Variants in CCDC3 observed in about 807,000 individuals in gnomAD.
The protein encoded by CCDC3 is coiled-coil domain containing 3, also known as coiled-coil domain-containing protein 3.
CCDC3 carries 24 observed loss-of-function variants against 21.4 expected under a neutral mutation model. The observed-to-expected ratio is 1.12, with a 90% confidence interval of 0.81 to 1.58. The LOEUF is 1.58. CCDC3 is among the 40% of genes most tolerant of loss of function. CCDC3 has a pLI of 0.00. For synonymous variants in CCDC3, 186 were observed against 166.0 expected, an observed-to-expected ratio of 1.12 and a Z score of -0.93; for missense variants, 425 against 360.9, an observed-to-expected ratio of 1.18 and a Z score of -1.44.
intron 2 of CCDC3, among the ~76,000 whole-genome samples, chr10:12,983,564 C>A (rs12247185): frequency 0.015 from 2,264 of 149,160 alleles, 62 homozygotes; most frequent in African/African-American, 0.053. Context: ...TGAGTGAAAC[C>A]CTCTCTCAAG....
chr10:12,964,376 G>GAAA (rs34399404), intron 2 of CCDC3, among the ~76,000 whole-genome samples: 1 of 146,980 alleles, frequency 6.8e-6, no homozygotes, highest in African/African-American at 2.5e-5. Flanking sequence ...CCATCTTAAA[G>GAAA]AAAAAAAAAA....
At chr10:13,010,255 C>CA (rs554297781) in intron 5 of CCDC3, among the ~76,000 whole-genome samples, 1 of 151,118 alleles carries the variant, frequency 6.6e-6, no homozygotes, top group African/African-American at 2.4e-5. Context: ...TTCAAAAAAA[C>CA]AAAAAAACAA....
At chr10:12,904,464 G>C (rs915362682) in intron 2 of CCDC3, among the ~76,000 whole-genome samples, 1 of 5,322 alleles carries the variant, frequency 1.9e-4, no homozygotes, top group African/African-American at 2.8e-4. Context: ...GCAAAAGCCA[G>C]TCTTAAAAAA....
At position 13,001,595 on chromosome 10, in the gene CCDC3, G is replaced by A. The variant is rs560053627; in HGVS notation, c.-25C>T. On this transcript the variant is annotated 5_prime_UTR_variant, in exon 1 of 3. Transcript: ENST00000378825. ...TGCCGGGCCCTCCCGGGGCGCACGG[G>A]GCGGCGGCGGGGAGCCCGGGGAGCC... 4 of 1,162,808 alleles carry A rather than the reference G, an allele frequency of 3.4e-6. No individual in the cohort carries two copies. The East Asian group carries it at 1.6e-4, about 47-fold the overall frequency. 72.0% of individuals were successfully genotyped at this position (1,162,808 alleles called of 1,614,324 possible).
At chr10:12,929,753 C>T (rs1589010282) in intron 2 of CCDC3, among the ~76,000 whole-genome samples, 2 of 152,306 alleles carry the variant, frequency 1.3e-5, no homozygotes, top group East Asian at 3.9e-4. Flanking sequence ...CTAAGCTGGT[C>T]ATTACCTCTT....
chr10:12,939,334 A>G (rs569874946), intron 2 of CCDC3, among the ~76,000 whole-genome samples: 43 of 152,334 alleles, frequency 2.8e-4, no homozygotes, highest in African/African-American at 9.9e-4. Context: ...ATATTTTATA[A>G]TAACTGTTAG....
intron 5 of CCDC3, among the ~76,000 whole-genome samples, chr10:13,048,830 T>C (rs535258364): frequency 2.0e-5 from 3 of 152,290 alleles, no homozygotes; most frequent in Non-Finnish European, 4.4e-5. Context: ...GGAGTGTGTG[T>C]AAGAGAGAGG....
At chr10:13,091,433 G>T (rs1444694811) in intron 3 of CCDC3, among the ~76,000 whole-genome samples, 1 of 152,162 alleles carries the variant, frequency 6.6e-6, no homozygotes, top group Admixed American at 6.5e-5. Context: ...TGATGTCTAT[G>T]AACCAGGAGG....
chr10:12,976,770 C>A (rs1835423237), intron 2 of CCDC3, among the ~76,000 whole-genome samples: 1 of 152,170 alleles, frequency 6.6e-6, no homozygotes. Flanking sequence ...TCCGATACTA[C>A]AGTGGTGGGT....
intron 5 of CCDC3, among the ~76,000 whole-genome samples, chr10:13,026,160 A>G (rs921444839): frequency 5.3e-5 from 8 of 152,240 alleles, no homozygotes; most frequent in Non-Finnish European, 1.2e-4. Flanking sequence ...AGCCTGTGTG[A>G]CAAAATGAGA....
intron 2 of CCDC3, among the ~76,000 whole-genome samples, chr10:12,920,538 G>A (rs904467717): frequency 9.9e-5 from 15 of 152,184 alleles, no homozygotes; most frequent in Non-Finnish European, 2.1e-4. Flanking sequence ...TCTGGTGAGG[G>A]AGAAACCATT....
intron 5 of CCDC3, among the ~76,000 whole-genome samples, chr10:13,013,389 C>A (rs1382338461): frequency 6.6e-6 from 1 of 152,184 alleles, no homozygotes; most frequent in Non-Finnish European, 1.5e-5. Flanking sequence ...CACACAAACC[C>A]TTAAAGGGGC....
intron 4 of CCDC3, among the ~76,000 whole-genome samples, chr10:13,065,791 C>T (rs1836813981): frequency 6.6e-6 from 1 of 152,152 alleles, no homozygotes; most frequent in Admixed American, 6.6e-5. Context: ...TGCTGTCAAT[C>T]ATACATCAAT....
chr10:13,006,267 C>T (rs754830829), upstream of CCDC3, among the ~76,000 whole-genome samples: 9 of 152,198 alleles, frequency 5.9e-5, no homozygotes, highest in Non-Finnish European at 1.2e-4. Flanking sequence ...TGCTGGCAAT[C>T]CTTGCAAATC....
chr10:12,913,121 T>A (rs1231440731), intron 2 of CCDC3, among the ~76,000 whole-genome samples: 1 of 152,244 alleles, frequency 6.6e-6, no homozygotes, highest in Non-Finnish European at 1.5e-5. Context: ...TCTATTTCTA[T>A]GAAAAATTCC....
intron 5 of CCDC3, among the ~76,000 whole-genome samples, chr10:13,007,330 C>G (rs1027644911): frequency 1.3e-5 from 2 of 152,126 alleles, no homozygotes; most frequent in African/African-American, 4.8e-5. Context: ...GGCATCTCAG[C>G]CAGCATGGAA....
intron 2 of CCDC3, among the ~76,000 whole-genome samples, chr10:12,929,792 G>T (rs1659862): frequency 6.6e-6 from 1 of 151,702 alleles, no homozygotes; most frequent in Non-Finnish European, 1.5e-5. Flanking sequence ...AGCTATGATG[G>T]TAGTTTAATG....
At chr10:12,992,017 A>C (rs1835689479) in intron 2 of CCDC3, among the ~76,000 whole-genome samples, 3 of 151,912 alleles carry the variant, frequency 2.0e-5, no homozygotes, top group Non-Finnish European at 1.5e-5. Context: ...AAGTGTACAC[A>C]GTGTGTTGCC....
rs1404975454 is a variant in CCDC3 at position 13,040,943 on chromosome 10, C to T, written c.-2+8731G>A. 3.3e-5 allele frequency among the ~76,000 whole-genome samples: 5 copies of T among 152,202 alleles called. No individual in the cohort carries two copies. In the East Asian group the frequency reaches 9.6e-4, roughly 29 times the overall value. ...CACCTATAGATTTACTCTTTTAAGA[C>T]CTTGAGAATCTTTCTTGTTTTTTAG... On this transcript the variant is annotated intron_variant, in intron 5 of 6. Coordinates refer to the CCDC3 transcript ENST00000378839.
Sources: allele counts gnomAD v4.1 joint callset (sites outside exome capture counted in the v4.1 genomes callset), GRCh38; gene constraint gnomAD v4.1.1; transcripts MANE v1.5; gene names NCBI Gene and HGNC (gene_info 2026-07-23, HGNC 2026-07-21).